MGAT5: variants seen among roughly 807,000 people sequenced by gnomAD.
MGAT5 encodes alpha-1,6-mannosylglycoprotein 6-beta-N-acetylglucosaminyltransferase.
Under a neutral mutation model 94.3 loss-of-function variants are expected in MGAT5, and 30 were observed. The ratio of observed to expected loss-of-function variants is 0.32; its 90% CI spans 0.24 to 0.43. MGAT5 has a LOEUF of 0.43. MGAT5 is among the 20% of genes least tolerant of loss of function. The pLI, the probability that MGAT5 is intolerant of heterozygous loss-of-function variation, is 1.00. For missense variants in MGAT5, 691 were observed against 905.5 expected (o/e 0.76, Z 3.04); for synonymous variants, 310 against 322.9 (o/e 0.96, Z 0.43).
chr2:134,220,551 C>T (rs946857359), intron 1 of MGAT5, among the ~76,000 whole-genome samples: 1 of 152,184 alleles, frequency 6.6e-6, no homozygotes, highest in Non-Finnish European at 1.5e-5. Context: ...ATGGCTTAGC[C>T]AGCCCATTGT....
intron 2 of MGAT5, among the ~76,000 whole-genome samples, chr2:134,311,837 T>C (rs1686687133): frequency 6.6e-6 from 1 of 152,206 alleles, no homozygotes; most frequent in African/African-American, 2.4e-5. Flanking sequence ...ATAGCATCTT[T>C]ATATACGTAT....
intron 1 of MGAT5, among the ~76,000 whole-genome samples, chr2:134,125,449 G>A (rs1685799272): frequency 6.6e-6 from 1 of 152,168 alleles, no homozygotes; most frequent in African/African-American, 2.4e-5. Flanking sequence ...AGCCGAGAGG[G>A]CTTCATAGAT....
At chr2:134,427,886 T>C (rs1223046474) in intron 13 of MGAT5, among the ~76,000 whole-genome samples, 1 of 152,266 alleles carries the variant, frequency 6.6e-6, no homozygotes, top group African/African-American at 2.4e-5. Flanking sequence ...CAGTTGCTCA[T>C]TGTTGCCTTA....
At chr2:134,216,881 C>T (rs550921452) in intron 1 of MGAT5, among the ~76,000 whole-genome samples, 12 of 152,190 alleles carry the variant, frequency 7.9e-5, no homozygotes, top group South Asian at 4.1e-4. Context: ...AATAGATTGG[C>T]GCTCTAGTCT....
intron 12 of MGAT5, among the ~76,000 whole-genome samples, chr2:134,415,617 T>C (rs1683919455): frequency 6.6e-6 from 1 of 152,202 alleles, no homozygotes; most frequent in South Asian, 2.1e-4. Flanking sequence ...AGAAGCTCTT[T>C]AGTTTGATGC....
intron 9 of MGAT5, 108 bp from the exon 10 acceptor site, chr2:134,362,166 TG>T: frequency 7.4e-7 from 1 of 1,354,506 alleles, no homozygotes; most frequent in Non-Finnish European, 1.0e-6. Context: ...CAGGGTAAGA[TG>T]AAAACAAACA....
At chr2:134,394,643 G>A (rs779354901) in intron 10 of MGAT5, among the ~76,000 whole-genome samples, 1 of 152,138 alleles carries the variant, frequency 6.6e-6, no homozygotes, top group Non-Finnish European at 1.5e-5. Context: ...CTTTACTGAT[G>A]TGATTGGGTG....
intron 4 of MGAT5, among the ~76,000 whole-genome samples, chr2:134,327,645 T>A (rs1347018174): frequency 6.6e-6 from 1 of 152,158 alleles, no homozygotes; most frequent in Non-Finnish European, 1.5e-5. Flanking sequence ...ATTTCTGGAA[T>A]TTTTTATTTA....
At chr2:134,219,879 C>T (rs1237597571) in intron 1 of MGAT5, among the ~76,000 whole-genome samples, 2 of 152,166 alleles carry the variant, frequency 1.3e-5, no homozygotes, top group East Asian at 3.9e-4. Flanking sequence ...ACTTTCTTGA[C>T]CTGTTTCCTC....
chr2:134,403,144 A>C lies in MGAT5; in HGVS notation c.1530+7A>C, dbSNP rs755941325. 5 of 1,601,316 alleles carry C rather than the reference A, an allele frequency of 3.1e-6. No individual in the cohort carries two copies. The highest frequency in any genetic ancestry group is 4.2e-6 in the Non-Finnish European group (5 of 1,177,100). ...CCTTCTTCGAGAAACCAAGGTAAAA[A>C]TTCACCACGGATGTGGTGTTCAGGT... On this transcript the variant is annotated splice_region_variant and intron_variant, in intron 11 of 15. Transcript: ENST00000281923.
At chr2:134,343,994 G>C (rs1241239835) in intron 7 of MGAT5, among the ~76,000 whole-genome samples, 2 of 152,166 alleles carry the variant, frequency 1.3e-5, no homozygotes, top group Non-Finnish European at 2.9e-5. Context: ...ACAGGGGAGA[G>C]GAAGAAGGGT....
At chr2:134,384,239 C>G (rs541796321) in intron 10 of MGAT5, among the ~76,000 whole-genome samples, 11 of 150,658 alleles carry the variant, frequency 7.3e-5, no homozygotes, top group African/African-American at 2.4e-4. Context: ...AGTCATCATC[C>G]TCTCATCCAG....
chr2:134,317,447 C>T lies in MGAT5; in HGVS notation c.407-82C>T. The T allele has an allele frequency of 7.7e-6, 8 of 1,042,640 alleles. No individual in the cohort carries two copies. In the Admixed American group the frequency reaches 8.4e-5, roughly 11 times the overall value. The allele number at this position is 1,042,640 out of a possible 1,614,324, so 64.6% of individuals were successfully genotyped here. A position where few individuals can be genotyped will look rare whatever the true frequency, so the allele number is the denominator to read the frequency against. On this transcript the variant is annotated intron_variant, in intron 2 of 15. Coordinates refer to ENST00000281923, the MANE Select transcript of MGAT5 (RefSeq NM_002410.5). ...GAGACCTTTCTTTTTTGGTTTCTCT[C>T]CCTACCTCTTGGCTTACAAGAATGT...
chr2:134,205,404 A>G (rs889186869), intron 1 of MGAT5, among the ~76,000 whole-genome samples: 1 of 152,098 alleles, frequency 6.6e-6, no homozygotes, highest in African/African-American at 2.4e-5. Flanking sequence ...GATTTGGGGT[A>G]CATTTTGGAG....
intron 1 of MGAT5, among the ~76,000 whole-genome samples, chr2:134,203,598 C>T (rs959534038): frequency 2.0e-5 from 3 of 151,970 alleles, no homozygotes; most frequent in Non-Finnish European, 2.9e-5. Flanking sequence ...GAAGAGAGGA[C>T]GGGGCTGATC....
chr2:134,158,830 T>G (rs1252887198), intron 1 of MGAT5, among the ~76,000 whole-genome samples: 1 of 152,178 alleles, frequency 6.6e-6, no homozygotes, highest in Non-Finnish European at 1.5e-5. Flanking sequence ...TCTTACCCCT[T>G]CTCTTCCCCT....
At chr2:134,371,972 T>C (rs911238814) in intron 10 of MGAT5, among the ~76,000 whole-genome samples, 2 of 151,274 alleles carry the variant, frequency 1.3e-5, no homozygotes, top group African/African-American at 4.9e-5. Context: ...CCTTGCCTGA[T>C]CTTAAGTGCC....
chr2:134,339,677 A>G (rs901342690), intron 6 of MGAT5, among the ~76,000 whole-genome samples: 16 of 152,192 alleles, frequency 1.1e-4, no homozygotes, highest in Admixed American at 7.2e-4. Context: ...ACTTCTGAAT[A>G]TATCTGACTT....
chr2:134,307,685 C>T (rs1405040613), intron 2 of MGAT5, among the ~76,000 whole-genome samples: 1 of 152,110 alleles, frequency 6.6e-6, no homozygotes, highest in Non-Finnish European at 1.5e-5. Context: ...CTCTCCTGTG[C>T]CCTCTCAGAC....
Sources: allele counts gnomAD v4.1 joint callset (sites outside exome capture counted in the v4.1 genomes callset), GRCh38; gene constraint gnomAD v4.1.1; transcripts MANE v1.5; gene names NCBI Gene and HGNC (gene_info 2026-07-23, HGNC 2026-07-21).